The following ZNF454 variants were observed in gnomAD, a reference collection of about 807,000 sequenced individuals.
ZNF454 encodes the protein zinc finger protein 454.
Under a neutral mutation model 48.2 loss-of-function variants are expected in ZNF454, and 30 were observed. That is an observed-to-expected ratio of 0.62 (90% CI 0.47 to 0.84). The LOEUF (loss-of-function observed/expected upper bound fraction) is 0.84. ZNF454 is among the 40% of genes least tolerant of loss of function. The pLI is 0.00. For missense variants in ZNF454, 510 were observed against 623.1 expected, an observed-to-expected ratio of 0.82 and a Z score of 1.93; for synonymous variants, 204 against 211.4, an observed-to-expected ratio of 0.97 and a Z score of 0.30.
At chr5:178,977,662 C>T in the ZNF454 span, among the ~76,000 whole-genome samples, 394 of 152,036 alleles carry the variant, frequency 2.6e-3, no homozygotes, top group African/African-American at 9.0e-3. Flanking sequence ...CTCCGCCTCC[C>T]GGGTTCAAGC....
rs899432849 is a variant in ZNF454 at position 178,944,374 on chromosome 5, C to T, written c.33+1550C>T. Reference sequence around the variant, plus strand: ...TTAACCTTTTCCTCAAAGTCACTGTCGGTGTCATACAATTTATCTTGTGTT... The same window carrying T: ...TTAACCTTTTCCTCAAAGTCACTGTTGGTGTCATACAATTTATCTTGTGTT... On this transcript the variant is annotated intron_variant, in intron 2 of 4. Coordinates refer to ENST00000519564, the MANE Select transcript of ZNF454 (RefSeq NM_001178089.3). The surrounding 1 kb of genome is among the most constrained non-coding windows in gnomAD (Gnocchi z 4.1). Among the ~76,000 whole-genome samples the T allele has an allele frequency of 3.3e-5, 5 of 152,170 alleles. No individual in the cohort carries two copies. Among genetic ancestry groups the T allele is most frequent in the Admixed American group, 2.6e-4 (4 of 15,274 alleles).
intron 4 of ZNF454, among the ~76,000 whole-genome samples, chr5:178,957,202 G>A (rs902988937): frequency 1.8e-4 from 27 of 151,964 alleles, no homozygotes; most frequent in African/African-American, 6.0e-4. Context: ...TATTTTATTC[G>A]TCCTAACTTC....
chr5:178,986,449 G>A, the ZNF454 span: 444 of 1,612,886 alleles, frequency 2.8e-4, 1 homozygote, highest in South Asian at 4.8e-4. Context: ...GGCCACCACC[G>A]TGGTAGTGGC....
At chr5:178,945,357 TTG>T (rs913204360) in intron 2 of ZNF454, among the ~76,000 whole-genome samples, 3 of 150,154 alleles carry the variant, frequency 2.0e-5, no homozygotes, top group African/African-American at 7.4e-5. Context: ...TGGATATGGG[TTG>T]TGTGTGTGTG....
the ZNF454 span, chr5:178,989,530 ACTAGGCATGGCCAGGTGAG>A: frequency 8.3e-7 from 1 of 1,198,612 alleles, no homozygotes; most frequent in South Asian, 1.3e-5. Context: ...GGCCAGGTGA[ACTAGGCATGGCCAGGTGAG>A]CTAGGAGTGG....
At position 178,945,083 on chromosome 5, in the gene ZNF454, G is replaced by T. The variant is rs529012769; in HGVS notation, c.34-1276G>T. Among the ~76,000 whole-genome samples, 4 of 138,298 alleles carry T rather than the reference G, an allele frequency of 2.9e-5. No individual in the cohort carries two copies. In the East Asian group the frequency reaches 8.4e-4, roughly 29 times the overall value. 90.7% of individuals were successfully genotyped at this position (138,298 alleles called of 152,430 possible). The stretch of plus-strand genomic sequence containing the variant: ...ACAGGGTGTGTGTGGGGGTATTTGT[G>T]GGGGGGTGTGTGTGTTCGGGTGTGT... On this transcript the variant is annotated intron_variant, in intron 2 of 4. Transcript: ENST00000519564.
chr5:178,980,561 T>C, the ZNF454 span: 1 of 154,234 alleles, frequency 6.5e-6, no homozygotes, highest in Non-Finnish European at 1.5e-5. This position sits in a 1 kb window ranked among gnomAD's most constrained non-coding sequence, Gnocchi z 4.3. Context: ...GCACCCCTGC[T>C]CCTTGTTCTC....
At chr5:178,974,615 G>C in the ZNF454 span, among the ~76,000 whole-genome samples, 1 of 152,162 alleles carries the variant, frequency 6.6e-6, no homozygotes, top group Non-Finnish European at 1.5e-5. Context: ...ACCGCGCCCG[G>C]CCTCTAATGG....
At chr5:178,974,519 C>T in the ZNF454 span, among the ~76,000 whole-genome samples, 3 of 152,108 alleles carry the variant, frequency 2.0e-5, no homozygotes, top group African/African-American at 7.2e-5. Context: ...GGGGTTTCAC[C>T]GTGTTAGCCA....
At chr5:178,979,913 T>A in the ZNF454 span, 3 of 154,336 alleles carry the variant, frequency 1.9e-5, no homozygotes, top group African/African-American at 7.2e-5. Flanking sequence ...CCATTACCCA[T>A]GAGAGAGCTG....
chr5:178,946,296 C>G lies in ZNF454; in HGVS notation c.34-63C>G. 1 of 1,589,406 alleles carries G rather than the reference C, an allele frequency of 6.3e-7. No homozygotes were observed. The highest frequency in any genetic ancestry group is 8.5e-7 in the Non-Finnish European group (1 of 1,173,064). On this transcript the variant is annotated intron_variant, in intron 2 of 4. Coordinates refer to ENST00000519564, the MANE Select transcript of ZNF454 (RefSeq NM_001178089.3). The surrounding 1 kb of genome is among the most constrained non-coding windows in gnomAD (Gnocchi z 4.5). Reference sequence around the variant, plus strand: ...ACAAGCTCCTAGGGGCTGCCAGTCTCTTTTCCAGAGAACCATGTGCAGGGG... The same window carrying G: ...ACAAGCTCCTAGGGGCTGCCAGTCTGTTTTCCAGAGAACCATGTGCAGGGG...
At chr5:178,987,592 A>C in the ZNF454 span, 3 of 385,484 alleles carry the variant, frequency 7.8e-6, no homozygotes, top group African/African-American at 4.2e-5. Flanking sequence ...CCACCACAGG[A>C]GGTACCGAGG....
the ZNF454 span, chr5:178,982,944 G>A: frequency 1.2e-6 from 2 of 1,614,048 alleles, no homozygotes; most frequent in African/African-American, 2.7e-5. Flanking sequence ...AAAGAAGATG[G>A]GCACGAATGC....
At chr5:178,985,451 C>T in the ZNF454 span, among the ~76,000 whole-genome samples, 7 of 151,454 alleles carry the variant, frequency 4.6e-5, no homozygotes, top group African/African-American at 9.7e-5. Context: ...CGCCTGTCAT[C>T]CCAGCACTTT....
At chr5:178,942,202 G>C (rs1759122529) in intron 1 of ZNF454, among the ~76,000 whole-genome samples, 1 of 152,164 alleles carries the variant, frequency 6.6e-6, no homozygotes, top group Admixed American at 6.5e-5. Flanking sequence ...TCCGGAGTTC[G>C]AGACCAGTCC....
rs1252650084 is a variant in ZNF454 at position 178,965,402 on chromosome 5, G to A, written c.998G>A (p.Cys333Tyr). ...SGEKPYKCNE[C>Y]GKAFNQSTSF... ...GAGAAACCCTATAAATGCAATGAAT[G>A]TGGAAAAGCCTTTAATCAGAGTACA... The change falls in exon 5 of 5, where the codon TGT becomes TAT. Residue 333 changes from cysteine to tyrosine, a missense_variant. Transcript: ENST00000519564. The surrounding 1 kb of genome is among the most constrained non-coding windows in gnomAD (Gnocchi z 5.2). 1 of 1,614,204 alleles carries A rather than the reference G, an allele frequency of 6.2e-7. No homozygotes were observed. Among genetic ancestry groups the A allele is most frequent in the Admixed American group, 1.7e-5 (1 of 60,032 alleles).
chr5:178,979,100 CATT>C, the ZNF454 span: 1 of 152,152 alleles, frequency 6.6e-6, no homozygotes, highest in Non-Finnish European at 1.5e-5. Context: ...AAAAATAAAA[CATT>C]AGCTGGGTAT....
At chr5:178,952,007 T>A (rs1297665581) in intron 4 of ZNF454, among the ~76,000 whole-genome samples, 4 of 152,304 alleles carry the variant, frequency 2.6e-5, no homozygotes, top group Middle Eastern at 3.4e-3. Flanking sequence ...TTCATTTATG[T>A]TTCCTTCATT....
chr5:178,964,952 G>C lies in ZNF454; in HGVS notation c.548G>C (p.Cys183Ser), dbSNP rs773117070. 23 of 1,614,122 alleles carry C rather than the reference G, an allele frequency of 1.4e-5. No individual in the cohort carries two copies. Among genetic ancestry groups the C allele is most frequent in the Admixed American group, 6.7e-5 (4 of 60,014 alleles). The change falls in exon 5 of 5, where the codon TGT becomes TCT. Residue 183 changes from cysteine to serine, a missense_variant. By Grantham distance (112) the Cys-to-Ser change is moderately radical. Coordinates refer to ENST00000519564, the MANE Select transcript of ZNF454 (RefSeq NM_001178089.3). ...AAAAATGCCTTTGAGTGTAGTGAGT[G>C]TGGAAAAGTCTTCTCTAAGAGTTCA... is the stretch of plus-strand genomic sequence containing the variant. Reference protein sequence around the residue: ...PSKNAFECSECGKVFSKSSTL... With the variant: ...PSKNAFECSESGKVFSKSSTL...
Sources: allele counts gnomAD v4.1 joint callset (sites outside exome capture counted in the v4.1 genomes callset), GRCh38; gene constraint gnomAD v4.1.1; non-coding constraint Gnocchi (gnomAD v3.1); transcripts MANE v1.5; gene names NCBI Gene and HGNC (gene_info 2026-07-23, HGNC 2026-07-21).